The following TMEM108 variants were observed in gnomAD, a reference collection of about 807,000 sequenced individuals.
The protein encoded by TMEM108 is cancer/testis antigen 124.
Under a neutral mutation model 35.1 loss-of-function variants are expected in TMEM108, and 12 were observed. The observed-to-expected ratio is 0.34, with a 90% CI of 0.22 to 0.55. TMEM108 has a LOEUF of 0.55. TMEM108 is among the 20% of genes least tolerant of loss of function. The pLI, the probability that TMEM108 is intolerant of heterozygous loss-of-function variation, is 0.89. For synonymous variants in TMEM108, 287 were observed against 308.6 expected, an observed-to-expected ratio of 0.93 and a Z score of 0.73; for missense variants, 680 against 753.3, an observed-to-expected ratio of 0.90 and a Z score of 1.14.
At chr3:133,069,943 C>T (rs1404898573) in intron 2 of TMEM108, among the ~76,000 whole-genome samples, 2 of 152,118 alleles carry the variant, frequency 1.3e-5, no homozygotes, top group Non-Finnish European at 2.9e-5. Context: ...ACTATTTTTA[C>T]TCACTAAATG....
At chr3:133,105,414 C>T (rs1944137820) in intron 2 of TMEM108, among the ~76,000 whole-genome samples, 1 of 152,140 alleles carries the variant, frequency 6.6e-6, no homozygotes, top group South Asian at 2.1e-4. Flanking sequence ...TTTTGCCTTC[C>T]TCTTCCAATG....
intron 2 of TMEM108, among the ~76,000 whole-genome samples, chr3:133,176,411 C>T (rs1398601166): frequency 2.0e-5 from 3 of 152,106 alleles, no homozygotes; most frequent in Non-Finnish European, 4.4e-5. Context: ...AAATTGACCA[C>T]ATAGTTGGAA....
At chr3:133,290,046 G>A (rs1257795233) in intron 3 of TMEM108, among the ~76,000 whole-genome samples, 1 of 152,212 alleles carries the variant, frequency 6.6e-6, no homozygotes, top group Non-Finnish European at 1.5e-5. Context: ...GCCCCGATGA[G>A]TCTGCTGGGA....
chr3:133,065,210 C>A (rs1943581267), intron 2 of TMEM108, among the ~76,000 whole-genome samples: 1 of 151,858 alleles, frequency 6.6e-6, no homozygotes, highest in Non-Finnish European at 1.5e-5. Context: ...ACTATGTATT[C>A]TTTTTTAATT....
intron 2 of TMEM108, among the ~76,000 whole-genome samples, chr3:133,199,360 A>C (rs1349225260): frequency 1.3e-5 from 2 of 152,070 alleles, no homozygotes; most frequent in African/African-American, 4.8e-5. Context: ...GAGAAAAGGC[A>C]CTCTGATTTT....
intron 2 of TMEM108, among the ~76,000 whole-genome samples, chr3:133,199,551 A>T (rs1319299044): frequency 2.0e-5 from 3 of 152,080 alleles, no homozygotes; most frequent in African/African-American, 7.2e-5. Context: ...CTGGAGGTCC[A>T]CTCCAGACCC....
chr3:133,333,818 T>C (rs2071435577), intron 3 of TMEM108, among the ~76,000 whole-genome samples: 1 of 152,236 alleles, frequency 6.6e-6, no homozygotes, highest in South Asian at 2.1e-4. Flanking sequence ...TAACAAGGTT[T>C]CATACATGCT....
intron 2 of TMEM108, among the ~76,000 whole-genome samples, chr3:133,221,416 C>G (rs1945988475): frequency 6.6e-6 from 1 of 152,132 alleles, no homozygotes; most frequent in South Asian, 2.1e-4. Context: ...GGTGCCAAGA[C>G]CAAATATTAG....
At chr3:133,349,571 C>T (rs1258473673) in intron 3 of TMEM108, among the ~76,000 whole-genome samples, 1 of 149,642 alleles carries the variant, frequency 6.7e-6, no homozygotes, top group Non-Finnish European at 1.5e-5. Context: ...AATATCCAGA[C>T]TATATAAGGA....
chr3:133,224,881 T>C (rs570383552), intron 2 of TMEM108, among the ~76,000 whole-genome samples: 1 of 152,214 alleles, frequency 6.6e-6, no homozygotes, highest in African/African-American at 2.4e-5. Flanking sequence ...GTGGGGAATT[T>C]CTCACTTTAT....
At chr3:133,177,478 G>T (rs1945252808) in intron 2 of TMEM108, among the ~76,000 whole-genome samples, 1 of 152,114 alleles carries the variant, frequency 6.6e-6, no homozygotes, top group Non-Finnish European at 1.5e-5. Flanking sequence ...ATGATCAAGT[G>T]GGCTTCATCC....
At chr3:133,143,998 A>G (rs1944678442) in intron 2 of TMEM108, among the ~76,000 whole-genome samples, 1 of 139,542 alleles carries the variant, frequency 7.2e-6, no homozygotes, top group Admixed American at 7.0e-5. Context: ...TTTGCTTTAA[A>G]TTCTGGGGTA....
rs142175279 is a variant in TMEM108, at chr3:133,080,745, A to G, written c.-47+34725A>G. On this transcript the variant is annotated intron_variant, in intron 2 of 5. Coordinates refer to ENST00000321871, the MANE Select transcript of TMEM108 (RefSeq NM_023943.4). ...TGATTGTAAAGTGTATATCTAGAGG[A>G]AAGCCAGTACAGTTCAATGTACCCA... 2.6e-5 allele frequency among the ~76,000 whole-genome samples: 4 copies of G among 152,306 alleles called. No individual in the cohort carries two copies. The East Asian group carries it at 7.7e-4, about 29-fold the overall frequency.
intron 3 of TMEM108, among the ~76,000 whole-genome samples, chr3:133,272,652 G>A (rs557023829): frequency 6.8e-4 from 104 of 152,202 alleles, no homozygotes; most frequent in African/African-American, 2.4e-3. Context: ...TTACACTAGG[G>A]GCAGGGGTTA....
intron 3 of TMEM108, among the ~76,000 whole-genome samples, chr3:133,300,178 A>T (rs11709476): frequency 0.044 from 6,696 of 152,018 alleles, 194 homozygotes; most frequent in Non-Finnish European, 0.064. Context: ...TGTGGCTGGT[A>T]TGGGGGGGTG....
At chr3:133,256,618 T>C (rs529125950) in intron 3 of TMEM108, among the ~76,000 whole-genome samples, 2 of 152,282 alleles carry the variant, frequency 1.3e-5, no homozygotes, top group South Asian at 4.2e-4. Flanking sequence ...TAGTCAAGTT[T>C]TAGTAGGCAT....
intron 3 of TMEM108, among the ~76,000 whole-genome samples, chr3:133,308,873 C>T (rs1039056080): frequency 3.9e-5 from 6 of 152,170 alleles, no homozygotes; most frequent in African/African-American, 1.4e-4. Context: ...ATACTGGCCT[C>T]ATAAAACTAG....
At chr3:133,107,444 G>A (rs1295134905) in intron 2 of TMEM108, among the ~76,000 whole-genome samples, 2 of 143,616 alleles carry the variant, frequency 1.4e-5, no homozygotes, top group Non-Finnish European at 3.0e-5. Flanking sequence ...CCACCAGGAT[G>A]AAGTGTATGT....
chr3:133,275,653 A>G (rs1946828768), intron 3 of TMEM108, among the ~76,000 whole-genome samples: 1 of 152,200 alleles, frequency 6.6e-6, no homozygotes, highest in East Asian at 1.9e-4. Flanking sequence ...GAAATACAGT[A>G]TTTATTATTT....
Sources: gnomAD v4.1 joint callset for allele counts (sites outside exome capture counted in the v4.1 genomes callset) on GRCh38, gnomAD v4.1.1 for gene constraint, MANE v1.5 for transcripts, NCBI Gene and HGNC (gene_info 2026-07-23, HGNC 2026-07-21) for gene names.